The following TTLL9 variants were observed in gnomAD, a reference collection of about 807,000 sequenced individuals.
TTLL9 encodes probable tubulin polyglutamylase TTLL9.
A neutral mutation model predicts 65.6 loss-of-function variants in TTLL9; 47 were observed. That is an observed-to-expected ratio of 0.72 (90% confidence interval 0.57 to 0.91). The LOEUF (loss-of-function observed/expected upper bound fraction) is 0.91, where lower values mean the gene tolerates loss of function less well. TTLL9 is among the 40% of genes least tolerant of loss of function. The pLI, the probability that TTLL9 is intolerant of heterozygous loss-of-function variation, is 0.00. For synonymous variants in TTLL9, 179 were observed against 204.8 expected, an observed-to-expected ratio of 0.87 and a Z score of 1.07; for missense variants, 537 against 568.8, an observed-to-expected ratio of 0.94 and a Z score of 0.57.
chr20:31,931,403 G>A (rs1600617763), intron 10 of TTLL9, among the ~76,000 whole-genome samples: 2 of 151,966 alleles, frequency 1.3e-5, no homozygotes, highest in Non-Finnish European at 2.9e-5. Flanking sequence ...AGCCCCTCAA[G>A]TAGCTGGGAC....
chr20:31,875,498 G>A (rs1385690193), intron 2 of TTLL9, among the ~76,000 whole-genome samples: 5 of 152,100 alleles, frequency 3.3e-5, no homozygotes, highest in East Asian at 3.8e-4. Context: ...TTACTGATCC[G>A]TGTCATGCTT....
chr20:31,926,451 T>C (rs2063908519), intron 10 of TTLL9, among the ~76,000 whole-genome samples: 1 of 152,148 alleles, frequency 6.6e-6, no homozygotes, highest in African/African-American at 2.4e-5. Context: ...GGATTGTAAA[T>C]TGATTGGTAT....
At chr20:31,879,629 C>T in intron 2 of TTLL9, 1 of 525,634 alleles carries the variant, frequency 1.9e-6, no homozygotes, top group Non-Finnish European at 3.4e-6. Flanking sequence ...TCTGAACGAA[C>T]TGCCCCAGGG....
chr20:31,919,759 A>C, intron 6 of TTLL9, 105 bp from the exon 7 acceptor site: 2 of 907,914 alleles, frequency 2.2e-6, no homozygotes. Flanking sequence ...TTGGGGGTTC[A>C]TAAGGAAAAA....
chr20:31,899,743 C>T (rs1359539445), intron 4 of TTLL9, among the ~76,000 whole-genome samples: 1 of 151,774 alleles, frequency 6.6e-6, no homozygotes, highest in Non-Finnish European at 1.5e-5. Flanking sequence ...TGGCCAAACC[C>T]AGCTACAAGG....
chr20:31,913,606 A>G (rs973726135), intron 6 of TTLL9, among the ~76,000 whole-genome samples: 1 of 152,132 alleles, frequency 6.6e-6, no homozygotes, highest in Non-Finnish European at 1.5e-5. Context: ...CCGAGCCTTC[A>G]TCTTCCTCAT....
At chr20:31,884,031 T>C in intron 2 of TTLL9, 1 of 531,086 alleles carries the variant, frequency 1.9e-6, no homozygotes, top group Admixed American at 3.5e-5. Context: ...ATGACATCAT[T>C]GTATCCAGAG....
intron 2 of TTLL9, among the ~76,000 whole-genome samples, chr20:31,880,275 CCATCCATCCATCCATCCGTTTATT>C (rs1365427431): frequency 6.6e-6 from 1 of 152,126 alleles, no homozygotes; most frequent in African/African-American, 2.4e-5. Context: ...ATCCGTCCAT[CCATCCATCCATCCATCCGTTTATT>C]CATCCATTCA....
intron 6 of TTLL9, among the ~76,000 whole-genome samples, chr20:31,919,151 A>G (rs1017312445): frequency 6.6e-6 from 1 of 152,226 alleles, no homozygotes; most frequent in African/African-American, 2.4e-5. Flanking sequence ...AGGTCCTAAA[A>G]GCCAAAGCCA....
At chr20:31,927,997 A>G (rs1353537681) in intron 10 of TTLL9, among the ~76,000 whole-genome samples, 1 of 151,252 alleles carries the variant, frequency 6.6e-6, no homozygotes, top group Non-Finnish European at 1.5e-5. Flanking sequence ...TTGTAATTCT[A>G]ACAAGCATTT....
intron 6 of TTLL9, among the ~76,000 whole-genome samples, chr20:31,917,220 G>T (rs1443474703): frequency 6.6e-6 from 1 of 152,010 alleles, no homozygotes; most frequent in Non-Finnish European, 1.5e-5. Context: ...GCCCTCTCAG[G>T]CCCCTTTCCA....
chr20:31,925,180 G>A lies in TTLL9; in HGVS notation c.705+131G>A, dbSNP rs143131303. On this transcript the variant is annotated intron_variant, in intron 9 of 14. Coordinates refer to ENST00000535842, the MANE Select transcript of TTLL9 (RefSeq NM_001008409.5). The stretch of plus-strand genomic sequence containing the variant: ...TTTTATCTCTCCCTGGGAGATCCCC[G>A]AGGGACATCTAGGGATAGGGTGGGG... 209 of 939,704 alleles carry A rather than the reference G, an allele frequency of 2.2e-4. 1 individual carries two copies. The African/African-American group carries it at 2.4e-3, about 11-fold the overall frequency. The allele number at this position is 939,704 out of a possible 1,614,324, so 58.2% of individuals were successfully genotyped here. A position where few individuals can be genotyped will look rare whatever the true frequency, so the allele number is the denominator to read the frequency against.
At chr20:31,893,940 G>A (rs191316557) in intron 3 of TTLL9, among the ~76,000 whole-genome samples, 147 of 152,090 alleles carry the variant, frequency 9.7e-4, no homozygotes, top group Non-Finnish European at 1.9e-3. Context: ...TTCTGTTCAT[G>A]TATAAATTTT....
At chr20:31,873,825 A>G (rs4911537) in intron 2 of TTLL9, among the ~76,000 whole-genome samples, 1,747 of 29,798 alleles carry the variant, frequency 0.059, 48 homozygotes, top group East Asian at 0.24. Context: ...AGGAAGGAAG[A>G]AAGAAAGAAA....
chr20:31,874,409 C>CTTTTT (rs34362219), intron 2 of TTLL9, among the ~76,000 whole-genome samples: 6 of 123,034 alleles, frequency 4.9e-5, no homozygotes, highest in African/African-American at 9.3e-5. Context: ...ATTAGCTGAT[C>CTTTTT]TTTTTTTTTT....
At chr20:31,890,831 A>G (rs2063299075) in intron 3 of TTLL9, among the ~76,000 whole-genome samples, 2 of 152,160 alleles carry the variant, frequency 1.3e-5, no homozygotes, top group Admixed American at 6.5e-5. Flanking sequence ...GGTGCTTCCA[A>G]TCTGCTCCAC....
chr20:31,890,392 A>G (rs8125021), intron 3 of TTLL9, among the ~76,000 whole-genome samples: 17,660 of 151,604 alleles, frequency 0.12, 1,693 homozygotes, highest in African/African-American at 0.26. Flanking sequence ...ACACAAAATG[A>G]TATGTTTGGT....
chr20:31,942,836 G>A, intron 14 of TTLL9, 109 bp from the exon 15 acceptor site: 2 of 1,021,814 alleles, frequency 2.0e-6, no homozygotes, highest in South Asian at 1.4e-5. Context: ...GGCTGTGTGT[G>A]GTTGTCTGAC....
At position 31,870,756 on chromosome 20, in the gene TTLL9, G is replaced by A; in HGVS notation, c.-199G>A. On this transcript the variant is annotated 5_prime_UTR_variant, in exon 1 of 15. Coordinates refer to ENST00000535842, the MANE Select transcript of TTLL9 (RefSeq NM_001008409.5). The surrounding 1 kb of genome is among the most constrained non-coding windows in gnomAD (Gnocchi z 6.6). ...TGGCACCGGCAGGCGCGGGCGGATG[G>A]GGGGATGTCGCCTAGAGCCCCCCGG... 2 of 496,666 alleles carry A rather than the reference G, an allele frequency of 4.0e-6. No individual in the cohort carries two copies. Among genetic ancestry groups the A allele is most frequent in the Non-Finnish European group, 6.7e-6 (2 of 300,534 alleles). 30.8% of individuals were successfully genotyped at this position (496,666 alleles called of 1,614,324 possible). A position where few individuals can be genotyped will look rare whatever the true frequency, so the allele number is the denominator to read the frequency against.
Sources: gnomAD v4.1 joint callset for allele counts (sites outside exome capture counted in the v4.1 genomes callset) on GRCh38, gnomAD v4.1.1 for gene constraint, Gnocchi (gnomAD v3.1) non-coding constraint, MANE v1.5 for transcripts, NCBI Gene and HGNC (gene_info 2026-07-23, HGNC 2026-07-21) for gene names.